STKLD1: variants seen among roughly 807,000 people sequenced by gnomAD.
STKLD1 encodes the protein serine/threonine kinase like domain containing 1, also known as serine/threonine kinase-like domain-containing protein STKLD1.
A neutral mutation model predicts 80.4 loss-of-function variants in STKLD1; 79 were observed. The ratio of observed to expected loss-of-function variants is 0.98; its 90% CI spans 0.82 to 1.19. STKLD1 has a LOEUF of 1.19. Ranked by LOEUF, STKLD1 falls within the 50% of genes most tolerant of loss-of-function variation. The pLI, the probability that STKLD1 is intolerant of heterozygous loss-of-function variation, is 0.00. For missense variants in STKLD1, 841 were observed against 856.0 expected, an observed-to-expected ratio of 0.98 and a Z score of 0.22; for synonymous variants, 393 against 357.6, an observed-to-expected ratio of 1.10 and a Z score of -1.12.
rs587769438 is a variant in STKLD1, at chr9:133,401,430, G to A, written c.1199-308G>A. 4.6e-5 allele frequency among the ~76,000 whole-genome samples: 7 copies of A among 152,172 alleles called. No individual in the cohort carries two copies. The East Asian group carries it at 5.8e-4, about 13-fold the overall frequency. ...GGATTATAGGCATGAGCCACCGCGC[G>A]CGGCCACCTTTCTAGTTTCACTGTT... On this transcript the variant is annotated intron_variant, in intron 12 of 17. Coordinates refer to ENST00000371957, the MANE Select transcript of STKLD1 (RefSeq NM_153710.5).
At position 133,395,774 on chromosome 9, in the gene STKLD1, G is replaced by A; in HGVS notation, c.866+11G>A. On this transcript the variant is annotated intron_variant, in intron 9 of 17. Transcript: ENST00000371957. Reference sequence around the variant, plus strand: ...TCGAATAACGATAAAGTGAGCTCAGGGTCGGGGTTTATTTTAACCTGTGGA... The same window carrying A: ...TCGAATAACGATAAAGTGAGCTCAGAGTCGGGGTTTATTTTAACCTGTGGA... The A allele has an allele frequency of 3.1e-6, 5 of 1,612,432 alleles. No homozygotes were observed. Among genetic ancestry groups the A allele is most frequent in the Non-Finnish European group, 4.2e-6 (5 of 1,179,408 alleles).
chr9:133,384,846 CCTTT>C lies in STKLD1; in HGVS notation c.220-766_220-763del, dbSNP rs1187405570. ...TTTGATTGGCAAAGCCTCCGAGTAG[CCTTT>C]CTTTGTGTTTCTTGAATTTCCCACG... On this transcript the variant is annotated intron_variant, in intron 3 of 17. Transcript: ENST00000371957. This position sits in a 1 kb window ranked among gnomAD's most constrained non-coding sequence, Gnocchi z 4.3. The C allele has an allele frequency of 2.6e-5, 4 of 152,200 alleles. No homozygotes were observed. Among genetic ancestry groups the C allele is most frequent in the African/African-American group, 7.2e-5 (3 of 41,446 alleles). 9.4% of individuals were successfully genotyped at this position (152,200 alleles called of 1,614,324 possible). A position where few individuals can be genotyped will look rare whatever the true frequency, so the allele number is the denominator to read the frequency against.
chr9:133,395,526 C>A, intron 8 of STKLD1, 74 bp from the exon 9 acceptor site: 4 of 1,499,742 alleles, frequency 2.7e-6, no homozygotes, highest in South Asian at 1.3e-5. Context: ...GGTCCCTGGT[C>A]GTCCCCTGCC....
intron 2 of STKLD1, 30 bp downstream of exon 2, chr9:133,379,152 C>G (rs373846090): frequency 3.8e-6 from 6 of 1,590,894 alleles, no homozygotes; most frequent in Non-Finnish European, 5.2e-6. Context: ...CATCCCATGC[C>G]GGGTGGTTCT....
intron 1 of STKLD1, among the ~76,000 whole-genome samples, chr9:133,378,394 A>G (rs1564373784): frequency 6.6e-6 from 1 of 152,082 alleles, no homozygotes. Flanking sequence ...TGGTCTCTGC[A>G]CAGAGTTCTG....
At chr9:133,377,283 G>A (rs2130253296) in intron 1 of STKLD1, among the ~76,000 whole-genome samples, 2 of 152,036 alleles carry the variant, frequency 1.3e-5, no homozygotes, top group East Asian at 1.9e-4. Context: ...GACTTGATTC[G>A]AGATACGGCT....
intron 13 of STKLD1, among the ~76,000 whole-genome samples, chr9:133,402,121 C>T (rs1304518651): frequency 1.3e-5 from 2 of 152,192 alleles, no homozygotes; most frequent in Non-Finnish European, 2.9e-5. Flanking sequence ...ACATGCTAGG[C>T]GCAGCTGTGG....
At chr9:133,376,633 G>T (rs1354667795) in intron 1 of STKLD1, 73 bp downstream of exon 1, 1 of 1,371,808 alleles carries the variant, frequency 7.3e-7, no homozygotes, top group Non-Finnish European at 9.7e-7. Flanking sequence ...TACGGCCGGC[G>T]GTTCCGACCG....
intron 5 of STKLD1, chr9:133,388,916 A>C: frequency 1.0e-6 from 1 of 985,422 alleles, no homozygotes; most frequent in Non-Finnish European, 1.2e-6. Context: ...ATATTCCCAG[A>C]AACCCAGTAA....
intron 7 of STKLD1, among the ~76,000 whole-genome samples, chr9:133,393,209 TGGATGGATGGATGGATGGTTGGAC>T (rs1838455056): frequency 8.1e-6 from 1 of 124,072 alleles, no homozygotes; most frequent in Non-Finnish European, 1.7e-5. Context: ...GATGGATGGA[TGGATGGATGGATGGATGGTTGGAC>T]GGATGGATGA....
rs1353152935 is a variant in STKLD1, at chr9:133,376,397, G to T, written c.-77G>T. 1 of 1,448,056 alleles carries T rather than the reference G, an allele frequency of 6.9e-7. No individual in the cohort carries two copies. The highest frequency in any genetic ancestry group is 2.9e-5 in the East Asian group (1 of 34,220). 89.7% of individuals were successfully genotyped at this position (1,448,056 alleles called of 1,614,324 possible). On this transcript the variant is annotated 5_prime_UTR_variant, in exon 1 of 18. It adds an upstream start codon to the 5' untranslated region. Coordinates refer to ENST00000371957, the MANE Select transcript of STKLD1 (RefSeq NM_153710.5). ...CTCGAGGGCGCCGTTCGGGCGGGGA[G>T]GATCCCGCGGGTCCCACTGACCCAC... is the stretch of plus-strand genomic sequence containing the variant.
chr9:133,401,636 T>C (rs1838708717), intron 12 of STKLD1, 102 bp from the exon 13 acceptor site: 2 of 1,405,904 alleles, frequency 1.4e-6, no homozygotes, highest in Admixed American at 2.3e-5. Flanking sequence ...GTTTCCTTCA[T>C]GCAAAGTGGA....
Position 133,387,439 on chromosome 9 carries a change from C to T in STKLD1, c.295-8C>T, listed in dbSNP as rs2130279543. ...CGTCCTTTGGCTAAGGGCCTCCTGT[C>T]CCAGCAGATCTCTTCTCTGTACCTC... On this transcript the variant is annotated splice_region_variant and splice_polypyrimidine_tract_variant and intron_variant, in intron 4 of 17. Coordinates refer to ENST00000371957, the MANE Select transcript of STKLD1 (RefSeq NM_153710.5). 9.9e-4 allele frequency: 1,599 copies of T among 1,612,800 alleles called. 16 individuals are homozygous for T. The East Asian group carries it at 0.017, about 17-fold the overall frequency.
At position 133,405,441 on chromosome 9, in the gene STKLD1, C is replaced by T; in HGVS notation, c.*20C>T. The T allele has an allele frequency of 6.3e-7, 1 of 1,585,418 alleles. No homozygotes were observed. The highest frequency in any genetic ancestry group is 8.5e-7 in the Non-Finnish European group (1 of 1,170,120). ...GAATAGATGTTTGTATGGAACTGAC[C>T]TTGATCTCCACGTGTATAGTTTTCA... On this transcript the variant is annotated 3_prime_UTR_variant, in exon 18 of 18. Transcript: ENST00000371957.
intron 1 of STKLD1, among the ~76,000 whole-genome samples, chr9:133,378,278 T>G (rs1414421905): frequency 6.6e-6 from 1 of 152,124 alleles, no homozygotes; most frequent in African/African-American, 2.4e-5. Flanking sequence ...AGGCTCAGGC[T>G]TCCATCCTCA....
At chr9:133,383,981 C>A in intron 3 of STKLD1, 81 bp downstream of exon 3, 1 of 1,377,716 alleles carries the variant, frequency 7.3e-7, no homozygotes, top group Non-Finnish European at 1.0e-6. Context: ...TTGTTGAGTG[C>A]CTGGATGAAG....
intron 2 of STKLD1, among the ~76,000 whole-genome samples, chr9:133,380,336 C>T (rs2130263252): frequency 1.1e-4 from 17 of 152,212 alleles, no homozygotes; most frequent in Non-Finnish European, 2.1e-4. Flanking sequence ...TGAGCCACCG[C>T]GTCCGGCCTG....
In STKLD1 at chr9:133,394,462, G is replaced by A; in HGVS notation, c.702+53G>A. ...CACATGCTGTTCCCCACGCGCCCAG[G>A]CCTGGGGAAAAGGCTTGGCCTCACC... On this transcript the variant is annotated intron_variant, in intron 8 of 17. Transcript: ENST00000371957. This position sits in a 1 kb window ranked among gnomAD's most constrained non-coding sequence, Gnocchi z 4.9. 1 of 1,375,870 alleles carries A rather than the reference G, an allele frequency of 7.3e-7. No individual in the cohort carries two copies. The highest frequency in any genetic ancestry group is 1.0e-6 in the Non-Finnish European group (1 of 965,168). 85.2% of individuals were successfully genotyped at this position (1,375,870 alleles called of 1,614,324 possible).
At chr9:133,382,242 T>G (rs1429128954) in intron 2 of STKLD1, among the ~76,000 whole-genome samples, 1 of 152,246 alleles carries the variant, frequency 6.6e-6, no homozygotes, top group Admixed American at 6.5e-5. Flanking sequence ...GAACAAGATG[T>G]TCCTGTTTAA....
Sources: allele counts gnomAD v4.1 joint callset (sites outside exome capture counted in the v4.1 genomes callset), GRCh38; gene constraint gnomAD v4.1.1; non-coding constraint Gnocchi (gnomAD v3.1); transcripts MANE v1.5; gene names NCBI Gene and HGNC (gene_info 2026-07-23, HGNC 2026-07-21).